The following DPH1 variants were observed in gnomAD, a reference collection of about 807,000 sequenced individuals.
DPH1 encodes diphthamide biosynthesis 1, also known as 2-(3-amino-3-carboxypropyl)histidine synthase subunit 1.
A neutral mutation model predicts 55.3 loss-of-function variants in DPH1; 59 were observed. That is an observed-to-expected ratio of 1.07 (90% CI 0.87 to 1.33). The LOEUF (loss-of-function observed/expected upper bound fraction) is 1.33, where lower values mean the gene tolerates loss of function less well. DPH1 is among the 40% of genes most tolerant of loss of function. The pLI is 0.00. For missense variants in DPH1, 628 were observed against 584.8 expected (o/e 1.07, Z -0.76); for synonymous variants, 238 against 235.5 (o/e 1.01, Z -0.10).
intron 12 of DPH1, 71 bp from the exon 13 acceptor site, chr17:2,042,534 C>T (rs935960747): frequency 1.9e-5 from 28 of 1,482,962 alleles, no homozygotes; most frequent in Non-Finnish European, 2.4e-5. Flanking sequence ...ACCCTCCTGC[C>T]CTTTCTCATT....
chr17:2,032,347 C>G (rs1311927820), intron 1 of DPH1, among the ~76,000 whole-genome samples: 2 of 152,142 alleles, frequency 1.3e-5, no homozygotes, highest in Admixed American at 1.3e-4. Context: ...CTGGTGTCAC[C>G]TCTGTTCTCC....
chr17:2,032,953 C>T (rs1209832919), intron 1 of DPH1, among the ~76,000 whole-genome samples: 2 of 152,124 alleles, frequency 1.3e-5, no homozygotes, highest in Non-Finnish European at 2.9e-5. Flanking sequence ...AGGATGGTCT[C>T]GATCTCCTGA....
Position 2,043,218 on chromosome 17 carries a change from G to C in DPH1, c.*632G>C, listed in dbSNP as rs1033047422. The C allele has an allele frequency of 4.7e-6, 6 of 1,281,564 alleles. No homozygotes were observed. The African/African-American group carries it at 8.9e-5, about 19-fold the overall frequency. 79.4% of individuals were successfully genotyped at this position (1,281,564 alleles called of 1,614,324 possible). Reference sequence around the variant, plus strand: ...CTGTGAGTGCGCCTCACCAGAACCAGTTAAGAGACAACTATCAATTCTTGA... The same window carrying C: ...CTGTGAGTGCGCCTCACCAGAACCACTTAAGAGACAACTATCAATTCTTGA... On this transcript the variant is annotated 3_prime_UTR_variant, in exon 13 of 13. Coordinates refer to ENST00000263083, the MANE Select transcript of DPH1 (RefSeq NM_001383.6).
chr17:2,042,781 G>A lies in DPH1; in HGVS notation c.*195G>A, dbSNP rs1206252170. On this transcript the variant is annotated 3_prime_UTR_variant, in exon 13 of 13. Transcript: ENST00000263083. ...TGACGGCCTTCTTGGTTTCAGCCAAGGGGCTGCGCTAGCAGCCCTTGTGTG... is the reference window on the plus strand; with the variant it reads ...TGACGGCCTTCTTGGTTTCAGCCAAAGGGCTGCGCTAGCAGCCCTTGTGTG... 1 of 1,611,670 alleles carries A rather than the reference G, an allele frequency of 6.2e-7. No homozygotes were observed. Among genetic ancestry groups the A allele is most frequent in the African/African-American group, 1.3e-5 (1 of 74,644 alleles).
At position 2,041,775 on chromosome 17, in the gene DPH1, A is replaced by T. The variant is rs2067530816; in HGVS notation, c.1235A>T (p.Glu412Val). 1.2e-6 allele frequency: 2 copies of T among 1,605,146 alleles called. No individual in the cohort carries two copies. The highest frequency in any genetic ancestry group is 3.4e-5 in the Admixed American group (2 of 58,998). ...CAAAGTCTGCGACCTCAGGTGCAGG[A>T]GGGGTCCGCGCGTCCCCCTTCGGCC... ...PGRPARGKVQEGSARPPSAVA... is the reference protein window; with the variant it reads ...PGRPARGKVQVGSARPPSAVA... The change falls in exon 12 of 13, where the codon GAG becomes GTG. Residue 412 changes from glutamate (E) to valine (V), a missense_variant. By Grantham distance (121) the Glu-to-Val change is moderately radical (BLOSUM62 -2). Transcript: ENST00000263083.
At chr17:2,042,013 G>T in intron 12 of DPH1, 138 bp downstream of exon 12, 1 of 1,491,314 alleles carries the variant, frequency 6.7e-7, no homozygotes. Flanking sequence ...GGGAAAGACC[G>T]CTTCCGGTGC....
chr17:2,035,358 C>CTG (rs1186813697), intron 3 of DPH1, among the ~76,000 whole-genome samples: 2 of 90,458 alleles, frequency 2.2e-5, no homozygotes, highest in African/African-American at 7.2e-5. Flanking sequence ...TATGGGGGAG[C>CTG]TGTGCCTGGG....
intron 6 of DPH1, chr17:2,039,283 G>C (rs112752732): frequency 0.029 from 4,603 of 157,322 alleles, 95 homozygotes; most frequent in Non-Finnish European, 0.048. Flanking sequence ...GGATGGTCTT[G>C]ATCTCCTGAC....
rs1376654545 is a variant in DPH1, at chr17:2,043,114, A to C, written c.*528A>C. 1 of 1,610,740 alleles carries C rather than the reference A, an allele frequency of 6.2e-7. No individual in the cohort carries two copies. The highest frequency in any genetic ancestry group is 1.3e-5 in the African/African-American group (1 of 74,838). On this transcript the variant is annotated 3_prime_UTR_variant, in exon 13 of 13. Coordinates refer to ENST00000263083, the MANE Select transcript of DPH1 (RefSeq NM_001383.6). ...CCAGTTTGCAGAGTGAAAGATCAAG[A>C]AATGTCTCTGCTCCTACATCCAGCT...
intron 3 of DPH1, chr17:2,034,855 T>A (rs1393206407): frequency 3.8e-5 from 1 of 26,582 alleles, no homozygotes; most frequent in Non-Finnish European, 6.6e-5. Context: ...GCTGCTGCCC[T>A]CCCTCCCCTG....
chr17:2,042,433 C>G, intron 12 of DPH1, 172 bp from the exon 13 acceptor site: 1 of 1,258,826 alleles, frequency 7.9e-7, no homozygotes, highest in East Asian at 2.8e-5. Flanking sequence ...TCTTCCTCCG[C>G]TGTCTCCTGT....
chr17:2,033,870 G>A (rs1398608623), intron 3 of DPH1, 28 bp downstream of exon 3: 1 of 1,613,364 alleles, frequency 6.2e-7, no homozygotes, highest in Non-Finnish European at 8.5e-7. Flanking sequence ...GGAGAGGAGG[G>A]TGAGCCAGGC....
At chr17:2,042,333 C>A in intron 12 of DPH1, 1 of 1,373,352 alleles carries the variant, frequency 7.3e-7, no homozygotes, top group Non-Finnish European at 9.4e-7. Flanking sequence ...ACCCGCATTC[C>A]TCCCACCCAG....
chr17:2,030,244 C>G lies in DPH1; in HGVS notation c.61+14C>G, dbSNP rs1432852456. The G allele has an allele frequency of 6.4e-7, 1 of 1,568,322 alleles. No individual in the cohort carries two copies. Among genetic ancestry groups the G allele is most frequent in the South Asian group, 1.2e-5 (1 of 85,384 alleles). ...GCCCTGGCAGAGGTGGGTGCTGGAACGCTGCGCCCTCCAGACCTCGCATCT... is the reference window on the plus strand; with the variant it reads ...GCCCTGGCAGAGGTGGGTGCTGGAAGGCTGCGCCCTCCAGACCTCGCATCT... On this transcript the variant is annotated intron_variant, in intron 1 of 12. Transcript: ENST00000263083.
At chr17:2,033,418 G>A (rs764710932) in intron 1 of DPH1, 87 bp from the exon 2 acceptor site, 25 of 1,598,530 alleles carry the variant, frequency 1.6e-5, no homozygotes, top group Non-Finnish European at 1.9e-5. Context: ...CGGGGGCACC[G>A]GCAGGCCCTG....
Position 2,041,168 on chromosome 17 carries a change from T to C in DPH1, c.1073T>C (p.Leu358Pro). ...GGCACAGCCTTCCCCAAGCCGCTGC[T>C]GACACCCTATGAGGTAACACCAAGC... is the stretch of plus-strand genomic sequence containing the variant. The part of the protein sequence containing the change: ...DWGTAFPKPL[L>P]TPYEAAVALR... The change falls in exon 10 of 13, where the codon CTG (leucine) becomes CCG (proline). Residue 358 changes from leucine (L) to proline (P), a missense_variant. Transcript: ENST00000263083. The C allele has an allele frequency of 3.7e-6, 6 of 1,604,964 alleles. No homozygotes were observed. Among genetic ancestry groups the C allele is most frequent in the Non-Finnish European group, 5.1e-6 (6 of 1,175,556 alleles).
At chr17:2,041,679 T>C in intron 11 of DPH1, 58 bp downstream of exon 11, 1 of 1,578,366 alleles carries the variant, frequency 6.3e-7, no homozygotes, top group African/African-American at 1.4e-5. Context: ...GCCGCCGCCC[T>C]GCGACCGCGA....
chr17:2,031,598 C>T (rs2067333432), intron 1 of DPH1, among the ~76,000 whole-genome samples: 1 of 146,548 alleles, frequency 6.8e-6, no homozygotes. Context: ...ATTAGCCCTG[C>T]GTCTTGGCAC....
rs184215130 is a variant in DPH1 at position 2,036,995 on chromosome 17, T to C, written c.680+39T>C. The stretch of plus-strand genomic sequence containing the variant: ...GGGGGCCAAGTAAGTCCTAGAGACA[T>C]GCGTGTACCCTGGGAGGGAGCCTGA... On this transcript the variant is annotated intron_variant, in intron 6 of 12. Coordinates refer to ENST00000263083, the MANE Select transcript of DPH1 (RefSeq NM_001383.6). The surrounding 1 kb of genome is among the most constrained non-coding windows in gnomAD (Gnocchi z 4.8). 2.0e-3 allele frequency: 3,195 copies of C among 1,594,672 alleles called. 53 individuals carry two copies. In the African/African-American group the frequency reaches 0.028, roughly 14 times the overall value.
Sources: gnomAD v4.1 joint callset for allele counts (sites outside exome capture counted in the v4.1 genomes callset) on GRCh38, gnomAD v4.1.1 for gene constraint, Gnocchi (gnomAD v3.1) non-coding constraint, MANE v1.5 for transcripts, NCBI Gene and HGNC (gene_info 2026-07-23, HGNC 2026-07-21) for gene names.